The following FSTL4 variants were observed in gnomAD, a reference collection of about 807,000 sequenced individuals.
The protein encoded by FSTL4 is follistatin-related protein 4.
In FSTL4, 28 loss-of-function variants were observed where a neutral mutation model predicts 78.2. The ratio of observed to expected loss-of-function variants is 0.36; its 90% CI spans 0.27 to 0.49. The LOEUF is 0.49. Ranked by LOEUF, FSTL4 falls within the 20% of genes least tolerant of loss-of-function variation. FSTL4 has a pLI of 0.98. For synonymous variants in FSTL4, 422 were observed against 440.5 expected (o/e 0.96, Z 0.53); for missense variants, 922 against 1,084.9 (o/e 0.85, Z 2.11).
chr5:133,229,334 C>A (rs1751422823), intron 8 of FSTL4, among the ~76,000 whole-genome samples: 1 of 152,160 alleles, frequency 6.6e-6, no homozygotes, highest in African/African-American at 2.4e-5. Context: ...CCAGCCTGGG[C>A]AACGTTGTGA....
intron 3 of FSTL4, among the ~76,000 whole-genome samples, chr5:133,407,201 G>A (rs1696613440): frequency 6.6e-6 from 1 of 152,140 alleles, no homozygotes; most frequent in South Asian, 2.1e-4. Context: ...GCCCTGCTTG[G>A]ATCTGTGAAC....
chr5:133,566,496 T>A (rs1480263061), intron 3 of FSTL4, among the ~76,000 whole-genome samples: 1 of 152,192 alleles, frequency 6.6e-6, no homozygotes. Context: ...CATCATTCTA[T>A]CCATGTAATA....
At chr5:133,326,005 C>T (rs1000931965) in intron 4 of FSTL4, among the ~76,000 whole-genome samples, 2 of 152,194 alleles carry the variant, frequency 1.3e-5, no homozygotes, top group African/African-American at 2.4e-5. Context: ...AGTGCGGCTG[C>T]GTTACAGGGG....
intron 15 of FSTL4, among the ~76,000 whole-genome samples, chr5:133,200,394 C>T (rs921910805): frequency 6.6e-6 from 1 of 152,200 alleles, no homozygotes; most frequent in Non-Finnish European, 1.5e-5. Context: ...TAGGAAGAAC[C>T]CTGGGCATTG....
chr5:133,236,021 C>T lies in FSTL4; in HGVS notation c.895-2484G>A, dbSNP rs1362533556. ...AGGGTGGCAGGGCTTGGAAACTCCT[C>T]AGCGTCCCAGTTGGTGGGTCCCAGG... On this transcript the variant is annotated intron_variant, in intron 7 of 15. Coordinates refer to ENST00000265342, the MANE Select transcript of FSTL4 (RefSeq NM_015082.2). The surrounding 1 kb of genome is among the most constrained non-coding windows in gnomAD (Gnocchi z 5.0). Among the ~76,000 whole-genome samples the T allele has an allele frequency of 2.0e-5, 3 of 152,134 alleles. No homozygotes were observed.
intron 4 of FSTL4, among the ~76,000 whole-genome samples, chr5:133,389,610 C>A (rs1755791134): frequency 6.6e-6 from 1 of 152,208 alleles, no homozygotes; most frequent in African/African-American, 2.4e-5. Flanking sequence ...CTTCCTCGCC[C>A]CTGCTTTCCT....
intron 4 of FSTL4, among the ~76,000 whole-genome samples, chr5:133,392,630 C>A (rs1219037114): frequency 1.3e-5 from 2 of 152,098 alleles, no homozygotes; most frequent in Non-Finnish European, 2.9e-5. Context: ...GCTCTGCGGC[C>A]TGACAGGGAA....
At chr5:133,212,552 T>A (rs1436099814) in intron 13 of FSTL4, among the ~76,000 whole-genome samples, 2 of 152,158 alleles carry the variant, frequency 1.3e-5, no homozygotes, top group African/African-American at 4.8e-5. Context: ...AAAAGGTTTA[T>A]TAGAAACAGA....
intron 3 of FSTL4, among the ~76,000 whole-genome samples, chr5:133,530,442 G>A (rs967047488): frequency 6.6e-6 from 1 of 152,196 alleles, no homozygotes; most frequent in African/African-American, 2.4e-5. Flanking sequence ...CAGGGCCCAC[G>A]TGTAATCCTC....
rs181311545 is a variant in FSTL4, at chr5:133,583,437, T to C, written c.127-16218A>G. The C allele has an allele frequency of 2.5e-4, 64 of 253,252 alleles. 17 individuals carry two copies. Among genetic ancestry groups the C allele is most frequent in the African/African-American group, 1.3e-4 (5 of 39,506 alleles). 15.7% of individuals were successfully genotyped at this position (253,252 alleles called of 1,614,324 possible). A position where few individuals can be genotyped will look rare whatever the true frequency, so the allele number is the denominator to read the frequency against. On this transcript the variant is annotated intron_variant, in intron 2 of 15. Transcript: ENST00000265342. The stretch of plus-strand genomic sequence containing the variant: ...CAGACAGTGGGCGCAGGCCAGTGTG[T>C]GCGCACCGTGCGCGAGCCGAAGCAG...
At chr5:133,362,885 T>G (rs1396859280) in intron 4 of FSTL4, among the ~76,000 whole-genome samples, 2 of 152,260 alleles carry the variant, frequency 1.3e-5, no homozygotes, top group African/African-American at 4.8e-5. Context: ...TATCTCCTTT[T>G]TAAATCACTC....
At chr5:133,595,567 A>G (rs1760720695) in intron 2 of FSTL4, among the ~76,000 whole-genome samples, 1 of 152,178 alleles carries the variant, frequency 6.6e-6, no homozygotes, top group Non-Finnish European at 1.5e-5. Context: ...TTGCTACGTG[A>G]TATGTGGCCA....
intron 6 of FSTL4, among the ~76,000 whole-genome samples, chr5:133,308,948 T>C (rs577295535): frequency 6.6e-6 from 1 of 152,286 alleles, no homozygotes; most frequent in South Asian, 2.1e-4. Context: ...TTTGATCTCA[T>C]AGGAGTAATT....
At chr5:133,699,323 T>A in the FSTL4 span, among the ~76,000 whole-genome samples, 1 of 152,034 alleles carries the variant, frequency 6.6e-6, no homozygotes, top group African/African-American at 2.4e-5. Context: ...AGAATCAGCA[T>A]CTGCCTAAAA....
intron 3 of FSTL4, among the ~76,000 whole-genome samples, chr5:133,442,619 C>T (rs114858342): frequency 2.8e-3 from 425 of 152,256 alleles, no homozygotes; most frequent in African/African-American, 9.8e-3. Context: ...TTTAAAAATG[C>T]TCACGCAGTG....
intron 13 of FSTL4, among the ~76,000 whole-genome samples, chr5:133,215,173 A>C (rs1266943237): frequency 1.3e-5 from 2 of 152,136 alleles, no homozygotes; most frequent in Admixed American, 1.3e-4. Context: ...TTTAGCTTCA[A>C]GAATATCTCT....
chr5:133,255,012 A>C (rs1196500443), intron 6 of FSTL4, among the ~76,000 whole-genome samples: 1 of 152,252 alleles, frequency 6.6e-6, no homozygotes. Context: ...TCTAGGGGGC[A>C]ACGAGTGGTC....
At chr5:133,258,608 A>C (rs1033257539) in intron 6 of FSTL4, among the ~76,000 whole-genome samples, 3 of 152,202 alleles carry the variant, frequency 2.0e-5, no homozygotes, top group Non-Finnish European at 4.4e-5. Context: ...GTCATCATCC[A>C]TGCTCTCCTC....
At chr5:133,477,757 A>T (rs1264340977) in intron 3 of FSTL4, among the ~76,000 whole-genome samples, 1 of 152,160 alleles carries the variant, frequency 6.6e-6, no homozygotes, top group African/African-American at 2.4e-5. Context: ...CATCTTCTTC[A>T]AACTTTATCT....
Sources: allele counts gnomAD v4.1 joint callset (sites outside exome capture counted in the v4.1 genomes callset), GRCh38; gene constraint gnomAD v4.1.1; non-coding constraint Gnocchi (gnomAD v3.1); transcripts MANE v1.5; gene names NCBI Gene and HGNC (gene_info 2026-07-23, HGNC 2026-07-21).